The following ARHGAP20 variants were observed in gnomAD, a reference collection of about 807,000 sequenced individuals.
The protein encoded by ARHGAP20 is Rho GTPase activating protein 20, also known as rho GTPase-activating protein 20.
Under a neutral mutation model 73.7 loss-of-function variants are expected in ARHGAP20, and 34 were observed. The ratio of observed to expected loss-of-function variants is 0.46; its 90% CI spans 0.35 to 0.61. The LOEUF is 0.61. Among genes scored for constraint, ARHGAP20 ranks in the 20% least tolerant of loss-of-function variants. ARHGAP20 has a pLI of 0.00. For missense variants in ARHGAP20, 1,314 were observed against 1,420.9 expected, an observed-to-expected ratio of 0.92 and a Z score of 1.21; for synonymous variants, 523 against 518.2, an observed-to-expected ratio of 1.01 and a Z score of -0.13.
chr11:110,583,667 C>G lies in ARHGAP20; in HGVS notation c.1486G>C (p.Glu496Gln). The G allele has an allele frequency of 6.2e-7, 1 of 1,612,152 alleles. No homozygotes were observed. Among genetic ancestry groups the G allele is most frequent in the Non-Finnish European group, 8.5e-7 (1 of 1,178,852 alleles). The stretch of plus-strand genomic sequence containing the variant: ...ATCTGATTGGATGAGGAATGTTGCT[C>G]AATGTTGTGTAACACCCCAAAAAGA... ...RYLFGVLHNI[E>Q]QHSSSNQMTA... Residue 496 changes from glutamate (E) to glutamine (Q), a missense_variant, in exon 13 of 15, where the codon GAG becomes CAG. Physicochemically the swap from Glu to Gln is conservative, Grantham distance 29. Around this residue, in one of 3 missense-constraint regions of ARHGAP20, gnomAD observed 230 missense variants for 317.6 expected, o/e 0.72. Transcript: ENST00000683387.
chr11:110,698,636 T>A (rs1419551672), intron 1 of ARHGAP20, among the ~76,000 whole-genome samples: 3 of 151,954 alleles, frequency 2.0e-5, no homozygotes, highest in African/African-American at 7.2e-5. Flanking sequence ...TCTTGCTGGC[T>A]CAATCATGCA....
At chr11:110,626,639 TAA>T (rs1736654928) in intron 3 of ARHGAP20, among the ~76,000 whole-genome samples, 1 of 152,200 alleles carries the variant, frequency 6.6e-6, no homozygotes, top group Non-Finnish European at 1.5e-5. Flanking sequence ...TAGGCATCTA[TAA>T]AAAGTCTTGG....
At chr11:110,611,570 A>G (rs1167549619) in intron 6 of ARHGAP20, among the ~76,000 whole-genome samples, 184 bp from the exon 7 acceptor site, 1 of 152,214 alleles carries the variant, frequency 6.6e-6, no homozygotes, top group Non-Finnish European at 1.5e-5. Flanking sequence ...CTTATAAATT[A>G]TGCCCTCTAA....
intron 3 of ARHGAP20, among the ~76,000 whole-genome samples, chr11:110,628,399 T>C (rs148070201): frequency 6.6e-6 from 1 of 152,314 alleles, no homozygotes; most frequent in Non-Finnish European, 1.5e-5. Flanking sequence ...TTCATAAAAA[T>C]TAAGTTCTTT....
chr11:110,699,273 T>C (rs1950397416), intron 1 of ARHGAP20, among the ~76,000 whole-genome samples: 1 of 151,934 alleles, frequency 6.6e-6, no homozygotes. Flanking sequence ...GAGAAGATAC[T>C]TGATATGATT....
At chr11:110,633,329 C>T (rs1057471052) in intron 2 of ARHGAP20, among the ~76,000 whole-genome samples, 3 of 152,110 alleles carry the variant, frequency 2.0e-5, no homozygotes, top group South Asian at 2.1e-4. Context: ...CTTAAAATCA[C>T]GACTATAAAG....
intron 3 of ARHGAP20, among the ~76,000 whole-genome samples, chr11:110,625,098 C>T (rs987983214): frequency 3.3e-4 from 48 of 147,200 alleles, no homozygotes; most frequent in African/African-American, 5.0e-4. Flanking sequence ...ACTGCAGTGG[C>T]GCAATCTCGG....
chr11:110,690,511 A>G (rs1950220413), intron 2 of ARHGAP20, 36 bp downstream of exon 2: 2 of 1,568,888 alleles, frequency 1.3e-6, no homozygotes, highest in Non-Finnish European at 1.8e-6. Flanking sequence ...ACTTCCAAGC[A>G]CATACTGAAT....
intron 2 of ARHGAP20, among the ~76,000 whole-genome samples, chr11:110,674,153 C>G (rs927490724): frequency 6.6e-6 from 1 of 152,120 alleles, no homozygotes; most frequent in Non-Finnish European, 1.5e-5. Flanking sequence ...CCAGGATGTT[C>G]TCGATCTCTT....
chr11:110,617,265 C>A (rs890407508), intron 4 of ARHGAP20, among the ~76,000 whole-genome samples: 2 of 143,638 alleles, frequency 1.4e-5, no homozygotes, highest in Admixed American at 1.4e-4. Flanking sequence ...CTTTTTCTTT[C>A]TTTTTTTTTT....
chr11:110,586,886 C>T (rs1354791352), intron 11 of ARHGAP20, among the ~76,000 whole-genome samples: 1 of 152,040 alleles, frequency 6.6e-6, no homozygotes, highest in African/African-American at 2.4e-5. Context: ...AAGGTTTCTC[C>T]CTGTATTCCC....
intron 4 of ARHGAP20, among the ~76,000 whole-genome samples, chr11:110,620,645 C>A (rs1367111965): frequency 2.6e-5 from 4 of 151,972 alleles, no homozygotes; most frequent in Non-Finnish European, 5.9e-5. Flanking sequence ...ACATTTTTTT[C>A]GGTAGGACAG....
chr11:110,684,950 A>G (rs1950103276), intron 2 of ARHGAP20, among the ~76,000 whole-genome samples: 1 of 152,148 alleles, frequency 6.6e-6, no homozygotes, highest in Admixed American at 6.6e-5. Context: ...TTGAAAAACT[A>G]CTACTGGGTA....
chr11:110,601,567 G>A (rs1371255650), intron 9 of ARHGAP20, among the ~76,000 whole-genome samples: 1 of 152,112 alleles, frequency 6.6e-6, no homozygotes, highest in Non-Finnish European at 1.5e-5. Context: ...ATGCTCCCTG[G>A]ACTAAATCTG....
At chr11:110,624,515 G>C (rs11823933) in intron 3 of ARHGAP20, among the ~76,000 whole-genome samples, 3,752 of 151,958 alleles carry the variant, frequency 0.025, 133 homozygotes, top group African/African-American at 0.079. Context: ...GGCCTAATGA[G>C]GGGTGGGGGA....
chr11:110,640,118 T>C (rs1180928896), intron 2 of ARHGAP20, among the ~76,000 whole-genome samples: 2 of 152,066 alleles, frequency 1.3e-5, no homozygotes, highest in East Asian at 3.9e-4. Context: ...TCATTTCTTA[T>C]GTTTTGAGAA....
intron 2 of ARHGAP20, among the ~76,000 whole-genome samples, chr11:110,648,216 T>TGTAA (rs1949256455): frequency 1.9e-5 from 1 of 53,052 alleles, no homozygotes; most frequent in Non-Finnish European, 3.3e-5. Context: ...TGTAAATATA[T>TGTAA]ATATGTATAT....
chr11:110,653,098 A>G (rs970119268), intron 2 of ARHGAP20, among the ~76,000 whole-genome samples: 1 of 152,204 alleles, frequency 6.6e-6, no homozygotes, highest in Admixed American at 6.5e-5. Flanking sequence ...TTAAAATGTA[A>G]AACCCCAAAC....
At chr11:110,616,575 G>C (rs934246927) in intron 4 of ARHGAP20, among the ~76,000 whole-genome samples, 25 of 151,558 alleles carry the variant, frequency 1.6e-4, no homozygotes, top group African/African-American at 6.1e-4. Flanking sequence ...GGAAATCCTA[G>C]TTATTTTATT....
Sources: allele counts gnomAD v4.1 joint callset (sites outside exome capture counted in the v4.1 genomes callset), GRCh38; gene constraint gnomAD v4.1.1; regional missense constraint gnomAD v4.1.1; transcripts MANE v1.5; gene names NCBI Gene and HGNC (gene_info 2026-07-23, HGNC 2026-07-21).